The following FASN variants were observed in gnomAD, a reference collection of about 807,000 sequenced individuals.
FASN encodes fatty acid synthase.
A neutral mutation model predicts 250.0 loss-of-function variants in FASN; 50 were observed. The observed-to-expected ratio is 0.20, with a 90% confidence interval of 0.16 to 0.25. The LOEUF (loss-of-function observed/expected upper bound fraction) is 0.25, where lower values mean the gene tolerates loss of function less well. Among genes scored for constraint, FASN ranks in the 10% least tolerant of loss-of-function variants. FASN has a pLI of 1.00. For missense variants in FASN, 3,031 were observed against 3,498.5 expected (o/e 0.87, Z 3.37); for synonymous variants, 1,909 against 1,584.0 (o/e 1.21, Z -4.87).
Position 82,091,414 on chromosome 17 carries a change from C to T in FASN, c.1300G>A (p.Val434Met), listed in dbSNP as rs539939995. ...LRASGRTPEA[V>M]QKLLEQGLRH... The stretch of plus-strand genomic sequence containing the variant: ...AGGCCCTGCTCCAGCAGCTTCTGCA[C>T]GGCCTCAGGGGTGCGTCCGCTGGCC... Residue 434 changes from valine to methionine, a missense_variant, in exon 9 of 43, where the codon GTG becomes ATG. Coordinates refer to ENST00000306749, the MANE Select transcript of FASN (RefSeq NM_004104.5). 41 of 1,609,416 alleles carry T rather than the reference C, an allele frequency of 2.5e-5. No homozygotes were observed. Among genetic ancestry groups the T allele is most frequent in the Middle Eastern group, 3.3e-4 (2 of 6,056 alleles).
chr17:82,089,499 C>T, intron 12 of FASN, 115 bp from the exon 13 acceptor site: 2 of 1,584,616 alleles, frequency 1.3e-6, no homozygotes, highest in Non-Finnish European at 1.7e-6. Flanking sequence ...GGCAAGGGAC[C>T]TGAGGACAAA....
chr17:82,089,188 G>A lies in FASN; in HGVS notation c.2101-16C>T, dbSNP rs1186929665. On this transcript the variant is annotated splice_polypyrimidine_tract_variant and intron_variant, in intron 13 of 42. Transcript: ENST00000306749. ...CCCGGATCACCTGCATGAGGGGCCA[G>A]GTCAGTGCTGGGTTGTGGGTCCCCT... The A allele has an allele frequency of 6.3e-7, 1 of 1,595,442 alleles. No individual in the cohort carries two copies. Among genetic ancestry groups the A allele is most frequent in the Non-Finnish European group, 8.5e-7 (1 of 1,171,498 alleles).
rs72863327 is a variant in FASN at position 82,083,373 on chromosome 17, C to T, written c.5394G>A (p.Ala1798=). The stretch of plus-strand genomic sequence containing the variant: ...AGTCAGCACTGCTCTCGTTGAAGAA[C>T]GCATCCAGTAGGACCCCGTGGAATG... The part of the protein sequence containing the change: ...NVTFHGVLLD[A]FFNESSADWR... Residue 1798 remains alanine (A), a synonymous_variant, in exon 32 of 43, where the codon GCG becomes GCA. Coordinates refer to ENST00000306749, the MANE Select transcript of FASN (RefSeq NM_004104.5). The T allele has an allele frequency of 2.4e-5, 38 of 1,612,848 alleles. No homozygotes were observed. Among genetic ancestry groups the T allele is most frequent in the Middle Eastern group, 1.6e-4 (1 of 6,062 alleles).
chr17:82,086,290 C>A lies in FASN; in HGVS notation c.3696G>T (p.Val1232=). Residue 1232 remains valine (V), a synonymous_variant, in exon 22 of 43, where the codon GTG becomes GTT. Coordinates refer to ENST00000306749, the MANE Select transcript of FASN (RefSeq NM_004104.5). ...PALKACLDTA[V]ENMPSLKMKV... is the part of the protein sequence containing the mutation. ...TCATCTTCAGGCTGGGCATGTTCTC[C>A]ACGGCAGTGTCCAGGCAGGCCTTGA... The A allele has an allele frequency of 6.3e-7, 1 of 1,590,714 alleles. No homozygotes were observed. Among genetic ancestry groups the A allele is most frequent in the Non-Finnish European group, 8.5e-7 (1 of 1,174,152 alleles).
rs754835400 is a variant in FASN, at chr17:82,088,847, G to C, written c.2334C>G (p.Ser778Arg). ...QAVLKRGLKPSCTIIPLMKKD... is the reference protein window; with the variant it reads ...QAVLKRGLKPRCTIIPLMKKD... ...TCTTCATCAGGGGGATGATGGTGCA[G>C]CTCGGCTTCAGGCCACGCTTCAGGA... The change falls in exon 15 of 43, where the codon AGC becomes AGG. Residue 778 changes from serine to arginine, a missense_variant. Transcript: ENST00000306749. 9 of 1,612,582 alleles carry C rather than the reference G, an allele frequency of 5.6e-6. No individual in the cohort carries two copies. The highest frequency in any genetic ancestry group is 7.6e-6 in the Non-Finnish European group (9 of 1,179,816).
Position 82,092,706 on chromosome 17 carries a change from T to C in FASN, c.885A>G (p.Thr295=), listed in dbSNP as rs763768354. The change falls in exon 7 of 43, where the codon ACA becomes ACG. Residue 295 remains threonine, a synonymous_variant. Coordinates refer to ENST00000306749, the MANE Select transcript of FASN (RefSeq NM_004104.5). The part of the protein sequence containing the change: ...ESFEYIEAHG[T]GTKVGDPQEL... ...GGGGGGGGGGCATCACCTTGGTGCC[T>C]GTGCCGTGGGCTTCGATGTATTCAA... 22 of 1,593,058 alleles carry C rather than the reference T, an allele frequency of 1.4e-5. No homozygotes were observed. Among genetic ancestry groups the C allele is most frequent in the Admixed American group, 1.0e-4 (6 of 58,350 alleles).
chr17:82,085,370 C>T lies in FASN; in HGVS notation c.4155G>A (p.Ser1385=), dbSNP rs200031447. The change falls in exon 24 of 43, where the codon TCG becomes TCA. Residue 1385 remains serine (S), a synonymous_variant. Transcript: ENST00000306749. The stretch of plus-strand genomic sequence containing the variant: ...ACTTCTTCAGGCCCACCAGGCGCAG[C>T]GACACCCTGGAGAAGAGGCTCTCCC... ...DAWESLFSRV[S]LRLVGLKKSF... 151 of 1,611,558 alleles carry T rather than the reference C, an allele frequency of 9.4e-5. No homozygotes were observed. The highest frequency in any genetic ancestry group is 8.0e-4 in the East Asian group (36 of 44,818).
Position 82,081,770 on chromosome 17 carries a change from G to A in FASN, c.6237C>T (p.Ile2079=), listed in dbSNP as rs1216762754. 6 of 1,612,508 alleles carry A rather than the reference G, an allele frequency of 3.7e-6. No homozygotes were observed. In the African/African-American group the frequency reaches 4.0e-5, roughly 11 times the overall value. ...TGCGCTGGGGCAGCGTGCCACTGAC[G>A]ATCGTGTCGTTGGTGCTCATCGTCT... ...LVETMSTNDT[I]VSGTLPQRMA... The change falls in exon 37 of 43, where the codon ATC becomes ATT. Residue 2079 remains isoleucine, a synonymous_variant. Coordinates refer to ENST00000306749, the MANE Select transcript of FASN (RefSeq NM_004104.5).
At chr17:82,081,909 AGGG>A in intron 36 of FASN, 66 bp from the exon 37 acceptor site, 1 of 67,016 alleles carries the variant, frequency 1.5e-5, no homozygotes, top group Non-Finnish European at 2.3e-5. Context: ...CCACTGGGAG[AGGG>A]TGGGGTGGGC....
intron 34 of FASN, 40 bp from the exon 35 acceptor site, chr17:82,082,454 C>T (rs1279864421): frequency 6.2e-7 from 1 of 1,611,714 alleles, no homozygotes; most frequent in African/African-American, 1.3e-5. Flanking sequence ...AGCTCCAGGG[C>T]CTCACCCGTC....
Position 82,093,342 on chromosome 17 carries a change from C to G in FASN, c.532G>C (p.Gly178Arg). Residue 178 changes from glycine (G) to arginine (R), a missense_variant, in exon 5 of 43, where the codon GGG becomes CGG. Physicochemically the swap from Gly to Arg is moderately radical, Grantham distance 125. Coordinates refer to ENST00000306749, the MANE Select transcript of FASN (RefSeq NM_004104.5). ...LQNAYQAIHS[G>R]QCPAAIVGGI... is the part of the protein sequence containing the mutation. Reference sequence around the variant, plus strand: ...CCCACGATGGCGGCAGGGCACTGCCCGCTGTGGATGGCCTGGTAGGCGTTC... The same window carrying G: ...CCCACGATGGCGGCAGGGCACTGCCGGCTGTGGATGGCCTGGTAGGCGTTC... 1.2e-6 allele frequency: 2 copies of G among 1,603,100 alleles called. No homozygotes were observed. The highest frequency in any genetic ancestry group is 1.7e-6 in the Non-Finnish European group (2 of 1,176,396).
chr17:82,083,149 T>C, intron 32 of FASN, 34 bp from the exon 33 acceptor site: 3 of 1,610,814 alleles, frequency 1.9e-6, no homozygotes, highest in Non-Finnish European at 1.7e-6. Context: ...GCTCAGGCAC[T>C]GCCTGGGGAC....
chr17:82,090,305 G>A (rs563302467), intron 11 of FASN, 70 bp downstream of exon 11: 2 of 1,471,928 alleles, frequency 1.4e-6, no homozygotes, highest in Non-Finnish European at 1.8e-6. Flanking sequence ...CAGGGCTGCA[G>A]GTGAGGACCC....
rs1394509349 is a variant in FASN at position 82,086,530 on chromosome 17, C to T, written c.3456G>A (p.Val1152=). The change falls in exon 22 of 43, where the codon GTG becomes GTA. Residue 1152 remains valine (V), a synonymous_variant. Transcript: ENST00000306749. Reference sequence around the variant, plus strand: ...CCACCATCTTCAGCCCCTGCTGGGTCACCTTGGTCTGCAGTGCCTGCACCA... The same window carrying T: ...CCACCATCTTCAGCCCCTGCTGGGTTACCTTGGTCTGCAGTGCCTGCACCA... The part of the protein sequence containing the change: ...KGLVQALQTK[V]TQQGLKMVVP... 4.3e-6 allele frequency: 7 copies of T among 1,611,998 alleles called. No individual in the cohort carries two copies. Among genetic ancestry groups the T allele is most frequent in the African/African-American group, 1.3e-5 (1 of 74,932 alleles).
Position 82,087,850 on chromosome 17 carries a change from GGTACACCTTCCCTGTGGA to G in FASN, c.2867-7_2877del. 6.2e-7 allele frequency: 1 copy of G among 1,612,636 alleles called. No individual in the cohort carries two copies. On this transcript the variant is annotated splice_acceptor_variant and splice_polypyrimidine_tract_variant and coding_sequence_variant and intron_variant, in exon 19 of 43. Transcript: ENST00000306749. LOFTEE classifies it high-confidence loss of function. Reference sequence around the variant, plus strand: ...AGCCTGGGGTCAGGGTCATCCCACTGGTACACCTTCCCTGTGGAAAGGGAGGTGCGGAAGGGCCTGAGG... The same window carrying G: ...AGCCTGGGGTCAGGGTCATCCCACTGAAGGGAGGTGCGGAAGGGCCTGAGG...
At chr17:82,093,470 CCT>C in intron 4 of FASN, 51 bp from the exon 5 acceptor site, 1 of 1,579,848 alleles carries the variant, frequency 6.3e-7, no homozygotes, top group Non-Finnish European at 8.6e-7. Flanking sequence ...ACACGAGACC[CCT>C]GAGCACACCT....
intron 2 of FASN, 77 bp downstream of exon 2, chr17:82,096,242 G>C: frequency 2.5e-6 from 4 of 1,597,426 alleles, no homozygotes; most frequent in Non-Finnish European, 3.4e-6. Context: ...ACACAGCACA[G>C]CAGGGAGGCT....
At position 82,078,814 on chromosome 17, in the gene FASN, A is replaced by C; in HGVS notation, c.*329T>G. On this transcript the variant is annotated 3_prime_UTR_variant, in exon 43 of 43. Transcript: ENST00000306749. This position sits in a 1 kb window ranked among gnomAD's most constrained non-coding sequence, Gnocchi z 5.4. ...CCTGGGGGTCTCTACCAGCAATGCAATAAATATGCAAATCCAAGCACAGAA... is the reference window on the plus strand; with the variant it reads ...CCTGGGGGTCTCTACCAGCAATGCACTAAATATGCAAATCCAAGCACAGAA... The C allele has an allele frequency of 1.2e-5, 5 of 429,324 alleles. No homozygotes were observed. Among genetic ancestry groups the C allele is most frequent in the Non-Finnish European group, 1.7e-5 (4 of 228,792 alleles). The allele number at this position is 429,324 out of a possible 1,614,324, so 26.6% of individuals were successfully genotyped here.
intron 29 of FASN, 37 bp downstream of exon 29, chr17:82,083,938 A>G (rs2034039091): frequency 1.3e-6 from 2 of 1,547,882 alleles, no homozygotes; most frequent in South Asian, 1.2e-5. Context: ...CGGCGGGGCC[A>G]GGAGGGCAGC....
Sources: allele counts gnomAD v4.1 joint callset, GRCh38; gene constraint gnomAD v4.1.1; non-coding constraint Gnocchi (gnomAD v3.1); transcripts MANE v1.5; gene names NCBI Gene and HGNC (gene_info 2026-07-23, HGNC 2026-07-21).